The following HLCS variants were observed in gnomAD, a reference collection of about 807,000 sequenced individuals.
HLCS encodes the protein biotin--protein ligase.
HLCS carries 53 observed loss-of-function variants against 75.0 expected under a neutral mutation model. That is an observed-to-expected ratio of 0.71 (90% CI 0.57 to 0.89). The LOEUF is 0.89. Ranked by LOEUF, HLCS falls within the 40% of genes least tolerant of loss-of-function variation. The pLI, the probability that HLCS is intolerant of heterozygous loss-of-function variation, is 0.00. For synonymous variants in HLCS, 431 were observed against 428.6 expected, an observed-to-expected ratio of 1.01 and a Z score of -0.07; for missense variants, 966 against 1,074.0, an observed-to-expected ratio of 0.90 and a Z score of 1.41.
intron 6 of HLCS, among the ~76,000 whole-genome samples, chr21:36,884,860 G>C (rs1410960672): frequency 1.3e-5 from 2 of 152,158 alleles, no homozygotes; most frequent in African/African-American, 4.8e-5. Flanking sequence ...GTTTCTGACT[G>C]TCATGGAAGG....
intron 6 of HLCS, among the ~76,000 whole-genome samples, chr21:36,780,817 C>T (rs761952359): frequency 1.2e-4 from 18 of 152,020 alleles, no homozygotes; most frequent in African/African-American, 2.7e-4. Flanking sequence ...TGGACAGTGG[C>T]GTGTGTCTGT....
At chr21:36,975,707 A>T (rs1478663960) in intron 1 of HLCS, among the ~76,000 whole-genome samples, 1 of 152,186 alleles carries the variant, frequency 6.6e-6, no homozygotes, top group African/African-American at 2.4e-5. Flanking sequence ...CGGGAGTTCC[A>T]GGATGTAGTG....
At chr21:36,760,526 T>G (rs1046325523) in intron 8 of HLCS, among the ~76,000 whole-genome samples, 1 of 150,316 alleles carries the variant, frequency 6.7e-6, no homozygotes, top group Non-Finnish European at 1.5e-5. Flanking sequence ...AGGAGAATTG[T>G]GCGAACCCGG....
chr21:36,804,232 C>T lies in HLCS; in HGVS notation c.1893-36947G>A, dbSNP rs1379595643. On this transcript the variant is annotated intron_variant, in intron 6 of 10. Transcript: ENST00000674895. ...TGGTCCCTGGGTTCAATGCAACGCT[C>T]CCAGCAGGTACGGTAACTGCCACTC... The T allele has an allele frequency of 3.9e-5, 6 of 152,348 alleles. No individual in the cohort carries two copies. In the East Asian group the frequency reaches 1.2e-3, roughly 29 times the overall value. The allele number at this position is 152,348 out of a possible 1,614,324, so 9.4% of individuals were successfully genotyped here.
chr21:36,897,224 G>C, intron 5 of HLCS, 93 bp from the exon 6 acceptor site: 1 of 1,247,192 alleles, frequency 8.0e-7, no homozygotes, highest in Non-Finnish European at 1.2e-6. Flanking sequence ...GGTAATATGA[G>C]TACTTCCTAA....
chr21:36,778,752 A>G (rs896469895), intron 6 of HLCS, among the ~76,000 whole-genome samples: 6 of 152,154 alleles, frequency 3.9e-5, no homozygotes, highest in African/African-American at 1.4e-4. Context: ...TTATTATTTC[A>G]GTAGATTGTA....
Position 36,950,747 on chromosome 21 carries a change from T to C in HLCS, c.330+11289A>G, listed in dbSNP as rs529118088. On this transcript the variant is annotated intron_variant, in intron 2 of 10. Coordinates refer to ENST00000674895, the MANE Select transcript of HLCS (RefSeq NM_001352514.2). ...TTAGTAAGACACAAACTATGCCACT[T>C]GACAGTTATATCATCCTTAATTTGG... is the stretch of plus-strand genomic sequence containing the variant. 1.2e-4 allele frequency among the ~76,000 whole-genome samples: 18 copies of C among 152,318 alleles called. No individual in the cohort carries two copies. In the South Asian group the frequency reaches 3.7e-3, roughly 32 times the overall value.
intron 6 of HLCS, chr21:36,803,855 C>T (rs1006101272): frequency 7.2e-5 from 11 of 151,786 alleles, no homozygotes; most frequent in African/African-American, 2.7e-4. Context: ...GCAATTGGGT[C>T]TCAATTTCCC....
intron 6 of HLCS, among the ~76,000 whole-genome samples, chr21:36,851,102 A>C (rs1373352528): frequency 2.0e-5 from 3 of 152,216 alleles, no homozygotes; most frequent in African/African-American, 7.2e-5. Flanking sequence ...AAAGGTTATG[A>C]GAGAGAAAGA....
chr21:36,878,994 A>C (rs904993249), intron 6 of HLCS, among the ~76,000 whole-genome samples: 5 of 172 alleles, frequency 0.029, no homozygotes, highest in African/African-American at 0.078. Flanking sequence ...AACCATGATG[A>C]TACTATCTCA....
At chr21:36,921,437 T>C (rs749068890) in intron 5 of HLCS, among the ~76,000 whole-genome samples, 1 of 152,244 alleles carries the variant, frequency 6.6e-6, no homozygotes, top group African/African-American at 2.4e-5. Flanking sequence ...AGTGAGACTC[T>C]GTCTCAAAGA....
chr21:36,888,967 AATG>A (rs1290806387), intron 6 of HLCS, among the ~76,000 whole-genome samples: 1 of 152,136 alleles, frequency 6.6e-6, no homozygotes, highest in Non-Finnish European at 1.5e-5. Context: ...CCAAAGCCCC[AATG>A]ATCAGACCAA....
chr21:36,967,109 A>C (rs1438520434), upstream of HLCS, among the ~76,000 whole-genome samples: 3 of 151,926 alleles, frequency 2.0e-5, no homozygotes, highest in Non-Finnish European at 4.4e-5. Flanking sequence ...GAGGGGTGGG[A>C]GGCGGATTGA....
chr21:36,819,826 C>T lies in HLCS; in HGVS notation c.1893-52541G>A, dbSNP rs558867536. On this transcript the variant is annotated intron_variant, in intron 6 of 10. Coordinates refer to ENST00000674895, the MANE Select transcript of HLCS (RefSeq NM_001352514.2). ...CATAAAGAAACAGTGCAGGGGAAAA[C>T]ATAATACCATGTATCTAAAAGAAAG... is the stretch of plus-strand genomic sequence containing the variant. 2.0e-5 allele frequency among the ~76,000 whole-genome samples: 3 copies of T among 152,210 alleles called. No individual in the cohort carries two copies. The East Asian group carries it at 5.8e-4, about 29-fold the overall frequency.
Position 36,816,853 on chromosome 21 carries a change from T to A in HLCS, c.1893-49568A>T, listed in dbSNP as rs115694717. 1.2e-3 allele frequency among the ~76,000 whole-genome samples: 180 copies of A among 152,272 alleles called. 1 individual carries two copies. Among genetic ancestry groups the A allele is most frequent in the African/African-American group, 4.1e-3 (171 of 41,554 alleles). On this transcript the variant is annotated intron_variant, in intron 6 of 10. Coordinates refer to ENST00000674895, the MANE Select transcript of HLCS (RefSeq NM_001352514.2). ...CATCCACAGGTGTGAGGGAAATTGG[T>A]GGTAAAAATTTCCTTTCCCATGACT...
intron 8 of HLCS, among the ~76,000 whole-genome samples, chr21:36,760,486 T>C (rs894811363): frequency 6.6e-6 from 1 of 151,942 alleles, no homozygotes; most frequent in Non-Finnish European, 1.5e-5. Flanking sequence ...GGTGTGCATC[T>C]GTAATCCCAG....
chr21:36,797,551 T>C (rs892476819), intron 6 of HLCS, among the ~76,000 whole-genome samples: 3 of 152,206 alleles, frequency 2.0e-5, no homozygotes. Flanking sequence ...TAAGTTAACA[T>C]CTTTGCAAAA....
At chr21:36,918,747 T>C (rs1569191358) in intron 5 of HLCS, among the ~76,000 whole-genome samples, 1 of 152,228 alleles carries the variant, frequency 6.6e-6, no homozygotes. Context: ...CTTGCTGCTA[T>C]TTGCAGAATG....
At chr21:36,979,941 G>A (rs1040401243) in intron 1 of HLCS, among the ~76,000 whole-genome samples, 2 of 144,222 alleles carry the variant, frequency 1.4e-5, no homozygotes, top group South Asian at 4.6e-4. Flanking sequence ...TGTAGTTCCA[G>A]CTACTCCTGG....
Sources: gnomAD v4.1 joint callset for allele counts (sites outside exome capture counted in the v4.1 genomes callset) on GRCh38, gnomAD v4.1.1 for gene constraint, MANE v1.5 for transcripts, NCBI Gene and HGNC (gene_info 2026-07-23, HGNC 2026-07-21) for gene names.